The following PPFIA2 variants were observed in gnomAD, a reference collection of about 807,000 sequenced individuals.
The protein encoded by PPFIA2 is liprin-alpha-2.
In PPFIA2, 46 loss-of-function variants were observed where a neutral mutation model predicts 175.5. The observed-to-expected ratio is 0.26, with a 90% CI of 0.21 to 0.34. The LOEUF (loss-of-function observed/expected upper bound fraction) is 0.34, where lower values mean the gene tolerates loss of function less well. PPFIA2 is among the 10% of genes least tolerant of loss of function. The pLI is 1.00. For missense variants in PPFIA2, 1,179 were observed against 1,506.1 expected, an observed-to-expected ratio of 0.78 and a Z score of 3.60; for synonymous variants, 568 against 511.4, an observed-to-expected ratio of 1.11 and a Z score of -1.49.
In PPFIA2 at chr12:81,357,805, C is replaced by T. The variant is rs1048807451; in HGVS notation, c.1773+277G>A. ...TACCTGTGCAATGTTGAACATTTAG[C>T]TTTTCTGAGCCTCAGTGTTTTTATG... On this transcript the variant is annotated intron_variant, in intron 16 of 32. Transcript: ENST00000549396. 1.5e-4 allele frequency among the ~76,000 whole-genome samples: 22 copies of T among 151,654 alleles called. 1 individual carries two copies. Among genetic ancestry groups the T allele is most frequent in the Admixed American group, 5.9e-4 (9 of 15,266 alleles).
At chr12:81,342,951 TAATAATA>T (rs2058399936) in intron 19 of PPFIA2, among the ~76,000 whole-genome samples, 1 of 2,804 alleles carries the variant, frequency 3.6e-4, no homozygotes, top group Admixed American at 4.6e-3. Context: ...TAAAGTATAA[TAATAATA>T]ATAATAATAA....
At chr12:81,473,719 A>G (rs926117630) in intron 4 of PPFIA2, among the ~76,000 whole-genome samples, 7 of 152,206 alleles carry the variant, frequency 4.6e-5, no homozygotes, top group Non-Finnish European at 7.4e-5. Context: ...TTCAAAATAT[A>G]AAGTATAGAT....
At chr12:81,280,061 A>G (rs2041695661) in intron 27 of PPFIA2, among the ~76,000 whole-genome samples, 1 of 152,202 alleles carries the variant, frequency 6.6e-6, no homozygotes, top group South Asian at 2.1e-4. Flanking sequence ...CTTCAACTTT[A>G]CCACTGGACT....
intron 3 of PPFIA2, among the ~76,000 whole-genome samples, chr12:81,685,989 A>T (rs1388779033): frequency 1.3e-5 from 2 of 151,996 alleles, no homozygotes; most frequent in Non-Finnish European, 2.9e-5. Flanking sequence ...AGTTTAAATG[A>T]CTTAACAAAG....
At chr12:81,662,667 T>C (rs867265321) in intron 4 of PPFIA2, among the ~76,000 whole-genome samples, 13 of 152,208 alleles carry the variant, frequency 8.5e-5, no homozygotes, top group Middle Eastern at 3.4e-3. Context: ...TTCCAATCAA[T>C]TGAAAAAGAA....
chr12:81,719,969 T>C (rs1387788075), intron 3 of PPFIA2, among the ~76,000 whole-genome samples: 1 of 151,446 alleles, frequency 6.6e-6, no homozygotes, highest in Non-Finnish European at 1.5e-5. Context: ...ATTATATCCA[T>C]TCTATCTGTA....
intron 4 of PPFIA2, among the ~76,000 whole-genome samples, chr12:81,637,324 G>A (rs764578371): frequency 8.0e-6 from 1 of 124,738 alleles, no homozygotes; most frequent in South Asian, 2.7e-4. Flanking sequence ...GGCTGGTCCC[G>A]AACTCCCAAC....
In PPFIA2 at chr12:81,271,989, T is replaced by C. The variant is rs367853142; in HGVS notation, c.3311-3902A>G. Among the ~76,000 whole-genome samples, 27 of 152,298 alleles carry C rather than the reference T, an allele frequency of 1.8e-4. 1 individual carries two copies. Among genetic ancestry groups the C allele is most frequent in the African/African-American group, 6.3e-4 (26 of 41,578 alleles). On this transcript the variant is annotated intron_variant, in intron 28 of 32. Coordinates refer to ENST00000549396, the MANE Select transcript of PPFIA2 (RefSeq NM_003625.5). ...AGTTTATTAATTCTCTCTTTACTAT[T>C]GATGGACATACTTCAAAGTAAGTTA...
intron 4 of PPFIA2, among the ~76,000 whole-genome samples, chr12:81,519,435 T>C (rs1252143054): frequency 6.6e-6 from 1 of 152,132 alleles, no homozygotes; most frequent in African/African-American, 2.4e-5. Context: ...TAATAGGAAA[T>C]GGAGAAGAAA....
At chr12:81,311,619 G>A (rs943525820) in intron 22 of PPFIA2, among the ~76,000 whole-genome samples, 1 of 151,490 alleles carries the variant, frequency 6.6e-6, no homozygotes, top group African/African-American at 2.4e-5. Flanking sequence ...TGTAGTCCCA[G>A]CTACTCGGGA....
intron 3 of PPFIA2, among the ~76,000 whole-genome samples, chr12:81,721,036 G>A (rs1282433775): frequency 6.7e-6 from 1 of 150,322 alleles, no homozygotes; most frequent in Non-Finnish European, 1.5e-5. Flanking sequence ...GCAACAGGCA[G>A]GCAGGTGATT....
At chr12:81,585,958 T>C (rs1355417236) in intron 4 of PPFIA2, among the ~76,000 whole-genome samples, 3 of 151,924 alleles carry the variant, frequency 2.0e-5, no homozygotes, top group East Asian at 3.9e-4. Flanking sequence ...TGTATGATGT[T>C]ATGATGACTA....
Position 81,283,036 on chromosome 12 carries a change from C to G in PPFIA2, c.2992G>C (p.Glu998Gln). The change falls in exon 26 of 33, where the codon GAA becomes CAA. Residue 998 changes from glutamate (E) to glutamine (Q), a missense_variant. Coordinates refer to ENST00000549396, the MANE Select transcript of PPFIA2 (RefSeq NM_003625.5). The part of the protein sequence containing the change: ...ENLAAPAKTK[E>Q]SEEGSWAQCP... ...TGGGCCCAGCTTCCTTCCTCAGATT[C>G]TTTCTGTGTTAGCAGCAGGAAATGA... 6.2e-7 allele frequency: 1 copy of G among 1,611,868 alleles called. No individual in the cohort carries two copies. Among genetic ancestry groups the G allele is most frequent in the South Asian group, 1.1e-5 (1 of 90,962 alleles).
intron 3 of PPFIA2, among the ~76,000 whole-genome samples, chr12:81,723,177 T>C (rs1386349219): frequency 6.6e-6 from 1 of 151,056 alleles, no homozygotes; most frequent in African/African-American, 2.4e-5. Context: ...TCTGCTCTAC[T>C]AACTGCATGC....
rs1282318444 is a variant in PPFIA2, at chr12:81,445,635, G to A, written c.491C>T (p.Pro164Leu). The change falls in exon 6 of 33, where the codon CCC (proline) becomes CTC (leucine). Residue 164 changes from proline (P) to leucine (L), a missense_variant. Physicochemically the swap from Pro to Leu is moderately conservative, Grantham distance 98. Transcript: ENST00000549396. ...TTCAACTTCACTGGATACTCCTGAG[G>A]GAGACTGGGCTTGCCGTTTTACCAC... is the stretch of plus-strand genomic sequence containing the variant. ...MTVVKRQAQS[P>L]SGVSSEVEVL... 1 of 1,613,778 alleles carries A rather than the reference G, an allele frequency of 6.2e-7. No homozygotes were observed. Among genetic ancestry groups the A allele is most frequent in the African/African-American group, 1.3e-5 (1 of 74,908 alleles).
intron 4 of PPFIA2, among the ~76,000 whole-genome samples, chr12:81,511,913 A>G (rs1230694522): frequency 6.6e-6 from 1 of 151,862 alleles, no homozygotes; most frequent in Non-Finnish European, 1.5e-5. Flanking sequence ...GGGCAGTAGA[A>G]TGTTTCTGTT....
chr12:81,637,945 A>G (rs2064329811), intron 4 of PPFIA2, among the ~76,000 whole-genome samples: 1 of 152,196 alleles, frequency 6.6e-6, no homozygotes, highest in African/African-American at 2.4e-5. Context: ...GAGATATAAT[A>G]ATAAAATACT....
chr12:81,513,082 T>G (rs183901065), intron 4 of PPFIA2, among the ~76,000 whole-genome samples: 1 of 151,906 alleles, frequency 6.6e-6, no homozygotes, highest in East Asian at 1.9e-4. Context: ...CATCAAAAAG[T>G]GGGCAAAGGA....
At chr12:81,458,376 A>G (rs1050690065) in intron 4 of PPFIA2, among the ~76,000 whole-genome samples, 2 of 150,520 alleles carry the variant, frequency 1.3e-5, no homozygotes, top group African/African-American at 4.9e-5. Context: ...AATAACAAAT[A>G]TGCCTAAGAT....
Sources: gnomAD v4.1 joint callset for allele counts (sites outside exome capture counted in the v4.1 genomes callset) on GRCh38, gnomAD v4.1.1 for gene constraint, MANE v1.5 for transcripts, NCBI Gene and HGNC (gene_info 2026-07-23, HGNC 2026-07-21) for gene names.